Variants in SUMF2 observed in about 807,000 individuals in gnomAD.
SUMF2 encodes sulfatase modifying factor 2.
SUMF2 carries 45 observed loss-of-function variants against 44.8 expected under a neutral mutation model. The ratio of observed to expected loss-of-function variants is 1.00; its 90% CI spans 0.79 to 1.29. SUMF2 has a LOEUF of 1.29. Among genes scored for constraint, SUMF2 ranks in the 50% most tolerant of loss-of-function variants. The pLI, the probability that SUMF2 is intolerant of heterozygous loss-of-function variation, is 0.00. For synonymous variants in SUMF2, 148 were observed against 150.4 expected, an observed-to-expected ratio of 0.98 and a Z score of 0.12; for missense variants, 418 against 389.9, an observed-to-expected ratio of 1.07 and a Z score of -0.61.
chr7:56,076,210 T>C (rs1313664210), intron 5 of SUMF2, among the ~76,000 whole-genome samples: 2 of 152,106 alleles, frequency 1.3e-5, no homozygotes, highest in African/African-American at 4.8e-5. Context: ...GTATTTTTAG[T>C]AGAGACGGGG....
rs202150979 is a variant in SUMF2, at chr7:56,064,289, C to A, written c.-23C>A. ...CATGCGCAGCGGGGCCGTGGGTGTA[C>A]GCGGCGCAGCGCGGCAGTCCTGATG... On this transcript the variant is annotated 5_prime_UTR_variant, in exon 1 of 9. Transcript: ENST00000434526. 1.9e-6 allele frequency: 3 copies of A among 1,575,472 alleles called. No individual in the cohort carries two copies. Among genetic ancestry groups the A allele is most frequent in the Admixed American group, 1.9e-5 (1 of 53,718 alleles).
intron 2 of SUMF2, among the ~76,000 whole-genome samples, chr7:56,071,110 TA>T (rs1795126532): frequency 6.6e-6 from 1 of 152,160 alleles, no homozygotes; most frequent in African/African-American, 2.4e-5. Flanking sequence ...CTCATGCCTG[TA>T]GTCCCAACAC....
At position 56,074,664 on chromosome 7, in the gene SUMF2, T is replaced by C. The variant is rs763520795; in HGVS notation, c.463T>C (p.Tyr155His). The change falls in exon 5 of 9, where the codon TAC becomes CAC. Residue 155 changes from tyrosine to histidine, a missense_variant. Tyr to His is a moderately conservative substitution (Grantham distance 83). Transcript: ENST00000434526. Reference protein sequence around the residue: ...LHVSWNDARAYCAWRGKRLPT... With the variant: ...LHVSWNDARAHCAWRGKRLPT... ...CGTGAGCTGGAATGACGCCCGTGCC[T>C]ACTGTGCTTGGCGGGGAAAACGACT... is the stretch of plus-strand genomic sequence containing the variant. 2 of 1,614,150 alleles carry C rather than the reference T, an allele frequency of 1.2e-6. No homozygotes were observed. Among genetic ancestry groups the C allele is most frequent in the Admixed American group, 1.7e-5 (1 of 60,012 alleles).
Position 56,076,862 on chromosome 7 carries a change from C to G in SUMF2, c.564C>G (p.Phe188Leu). ...KGQVYPWGNW[F>L]QPNRTNLWQG... ...AAGTTTACCCATGGGGGAACTGGTT[C>G]CAGCCAAACCGCACCAACCTGTGGC... The change falls in exon 6 of 9, where the codon TTC (phenylalanine) becomes TTG (leucine). Residue 188 changes from phenylalanine (F) to leucine (L), a missense_variant. Physicochemically the swap from Phe to Leu is conservative, Grantham distance 22. Coordinates refer to ENST00000434526, the MANE Select transcript of SUMF2 (RefSeq NM_015411.4). 1 of 1,606,472 alleles carries G rather than the reference C, an allele frequency of 6.2e-7. No homozygotes were observed. The highest frequency in any genetic ancestry group is 8.5e-7 in the Non-Finnish European group (1 of 1,176,440).
At chr7:56,087,839 G>C in the SUMF2 span, 1 of 1,360,904 alleles carries the variant, frequency 7.3e-7, no homozygotes, top group Non-Finnish European at 1.0e-6. Flanking sequence ...TCCCAGATTA[G>C]AGGCTGCAGC....
chr7:56,079,852 T>G lies in SUMF2; in HGVS notation c.*240T>G. ...ATGGCTGGGGGCCAGGTGTTTCTGT[T>G]AGAGGCCAAGTATTATTGACACAGG... On this transcript the variant is annotated 3_prime_UTR_variant, in exon 9 of 9. Transcript: ENST00000434526. 6.5e-7 allele frequency: 1 copy of G among 1,549,720 alleles called. No homozygotes were observed. Among genetic ancestry groups the G allele is most frequent in the Non-Finnish European group, 8.7e-7 (1 of 1,145,730 alleles).
At chr7:56,073,472 C>A (rs1178816335) in intron 3 of SUMF2, 4 of 320,884 alleles carry the variant, frequency 1.2e-5, no homozygotes, top group Non-Finnish European at 2.5e-5. Flanking sequence ...GGCGAAACCC[C>A]GTCTATACTA....
Position 56,078,458 on chromosome 7 carries a change from G to A in SUMF2, c.771G>A (p.Trp257Ter), listed in dbSNP as rs948732672. The change falls in exon 8 of 9, where the codon TGG (tryptophan) becomes TGA (stop). Residue 257 changes from tryptophan (W) to a stop codon, truncating the protein, a stop_gained. Transcript: ENST00000434526. LOFTEE classifies it high-confidence loss of function. ...QDMRVLRGAS[W>*]IDTADGSANH... ...TGCGCGTCCTCCGGGGGGCATCCTG[G>A]ATCGACACAGCTGATGGCTCTGCCA... is the stretch of plus-strand genomic sequence containing the variant. 3 of 1,605,276 alleles carry A rather than the reference G, an allele frequency of 1.9e-6. No homozygotes were observed. Among genetic ancestry groups the A allele is most frequent in the Admixed American group, 1.7e-5 (1 of 58,864 alleles).
chr7:56,064,469 C>A, intron 1 of SUMF2, 91 bp downstream of exon 1: 2 of 1,468,700 alleles, frequency 1.4e-6, no homozygotes, highest in Non-Finnish European at 1.8e-6. Flanking sequence ...CTTCTGCCGG[C>A]TTCCGGGATG....
intron 2 of SUMF2, among the ~76,000 whole-genome samples, chr7:56,070,880 G>A (rs767426954): frequency 6.6e-6 from 1 of 152,118 alleles, no homozygotes; most frequent in African/African-American, 2.4e-5. Context: ...CTTTTGCTAA[G>A]TGAAGGAAAC....
the SUMF2 span, chr7:56,087,756 C>T: frequency 6.2e-7 from 1 of 1,612,600 alleles, no homozygotes; most frequent in Non-Finnish European, 8.5e-7. Context: ...GATGCATCGC[C>T]TGACCACACT....
chr7:56,081,546 G>A (rs571015532), downstream of SUMF2: 347 of 1,487,974 alleles, frequency 2.3e-4, 2 homozygotes, highest in South Asian at 1.4e-3. This position sits in a 1 kb window ranked among gnomAD's most constrained non-coding sequence, Gnocchi z 4.6. Context: ...GGAAATTCAC[G>A]GGGTGTAAGG....
chr7:56,074,290 T>C, intron 4 of SUMF2, 72 bp downstream of exon 4: 1 of 1,427,314 alleles, frequency 7.0e-7, no homozygotes, highest in Non-Finnish European at 9.9e-7. Flanking sequence ...GCCTCCTCTC[T>C]ACCCCTCGTA....
In SUMF2 at chr7:56,079,665, G is replaced by T. The variant is rs748598439; in HGVS notation, c.*53G>T. 1 of 1,614,124 alleles carries T rather than the reference G, an allele frequency of 6.2e-7. No individual in the cohort carries two copies. Among genetic ancestry groups the T allele is most frequent in the South Asian group, 1.1e-5 (1 of 91,078 alleles). On this transcript the variant is annotated 3_prime_UTR_variant, in exon 9 of 9. Transcript: ENST00000434526. ...CCTTCTAGGGTCACTGTCATTCCCT[G>T]GCCATGTTGCAAACAGCGCAATTCC...
At position 56,064,340 on chromosome 7, in the gene SUMF2, C is replaced by T. The variant is rs760145657; in HGVS notation, c.29C>T (p.Pro10Leu). The T allele has an allele frequency of 1.2e-6, 2 of 1,602,128 alleles. No homozygotes were observed. Among genetic ancestry groups the T allele is most frequent in the Admixed American group, 1.7e-5 (1 of 58,064 alleles). Residue 10 changes from proline (P) to leucine (L), a missense_variant, in exon 1 of 9, where the codon CCC becomes CTC. By Grantham distance (98) the Pro-to-Leu change is moderately conservative. Coordinates refer to ENST00000434526, the MANE Select transcript of SUMF2 (RefSeq NM_015411.4). ...GCCCGGCATGGGTTACCGCTGCTGCCCCTGCTGTCGCTCCTGGTCGGCGCG... is the reference window on the plus strand; with the variant it reads ...GCCCGGCATGGGTTACCGCTGCTGCTCCTGCTGTCGCTCCTGGTCGGCGCG... Reference protein sequence around the residue: MARHGLPLLPLLSLLVGAWL... With the variant: MARHGLPLLLLLSLLVGAWL...
chr7:56,081,185 G>A (rs200414353), downstream of SUMF2: 53 of 1,613,940 alleles, frequency 3.3e-5, no homozygotes, highest in East Asian at 8.9e-5. The surrounding 1 kb of genome is among the most constrained non-coding windows in gnomAD (Gnocchi z 4.6). Flanking sequence ...TCGATGAGCC[G>A]GCGCAGAGGC....
At chr7:56,082,701 G>A (rs892263587), downstream of SUMF2, among the ~76,000 whole-genome samples, 24 of 152,282 alleles carry the variant, frequency 1.6e-4, no homozygotes, top group African/African-American at 5.8e-4. Context: ...AGGGCAGGGC[G>A]GGATACTGCC....
chr7:56,070,462 A>G (rs879709068), intron 2 of SUMF2, among the ~76,000 whole-genome samples: 15 of 151,514 alleles, frequency 9.9e-5, no homozygotes, highest in Non-Finnish European at 1.8e-4. Flanking sequence ...ATCTCTACTA[A>G]AAATTAAAAA....
intron 1 of SUMF2, 58 bp downstream of exon 1, chr7:56,064,436 C>T (rs1471212330): frequency 1.7e-5 from 26 of 1,552,652 alleles, no homozygotes; most frequent in Non-Finnish European, 2.1e-5. Context: ...GCGCTCCGCC[C>T]TGACGGGAGA....
Sources: gnomAD v4.1 joint callset for allele counts (sites outside exome capture counted in the v4.1 genomes callset) on GRCh38, gnomAD v4.1.1 for gene constraint, Gnocchi (gnomAD v3.1) non-coding constraint, MANE v1.5 for transcripts, NCBI Gene and HGNC (gene_info 2026-07-23, HGNC 2026-07-21) for gene names.